SUMF1: variants seen among roughly 807,000 people sequenced by gnomAD.
The protein encoded by SUMF1 is formylglycine-generating enzyme.
SUMF1 carries 48 observed loss-of-function variants against 47.6 expected under a neutral mutation model. The ratio of observed to expected loss-of-function variants is 1.01; its 90% CI spans 0.80 to 1.28. The LOEUF (loss-of-function observed/expected upper bound fraction) is 1.28, where lower values mean the gene tolerates loss of function less well. Ranked by LOEUF, SUMF1 falls within the 50% of genes most tolerant of loss-of-function variation. The pLI is 0.00. For missense variants in SUMF1, 571 were observed against 485.4 expected (o/e 1.18, Z -1.66); for synonymous variants, 230 against 192.1 (o/e 1.20, Z -1.63).
chr3:4,313,626 T>C (rs1020854276), intron 8 of SUMF1: 4 of 1,614,004 alleles, frequency 2.5e-6, no homozygotes, highest in African/African-American at 2.7e-5. Context: ...AATCATGTAC[T>C]GCTTTCCTGC....
chr3:4,147,509 A>T (rs374457687), intron 8 of SUMF1, among the ~76,000 whole-genome samples: 18 of 152,122 alleles, frequency 1.2e-4, no homozygotes, highest in African/African-American at 4.1e-4. Context: ...AAAGTTTTTA[A>T]CTCTGCTAGC....
intron 8 of SUMF1, among the ~76,000 whole-genome samples, chr3:4,132,223 A>G (rs568821275): frequency 2.6e-5 from 4 of 152,172 alleles, no homozygotes; most frequent in African/African-American, 9.6e-5. Flanking sequence ...CGCCTCACCT[A>G]CCATCATGGT....
rs555942692 is a variant in SUMF1 at position 4,457,430 on chromosome 3, CA to C, written c.271-4382del. Among the ~76,000 whole-genome samples the C allele has an allele frequency of 3.5e-3, 532 of 151,914 alleles. 3 individuals are homozygous for C. The highest frequency in any genetic ancestry group is 0.012 in the African/African-American group (503 of 41,422). ...ATTTGTACAGCACAACAAAAGACCC[CA>C]AAGAGCGAAAGCAATTTTGAGCAAA... On this transcript the variant is annotated intron_variant, in intron 1 of 8. Transcript: ENST00000272902.
intron 8 of SUMF1, among the ~76,000 whole-genome samples, chr3:4,310,608 G>C (rs1316949982): frequency 6.6e-6 from 1 of 152,060 alleles, no homozygotes; most frequent in African/African-American, 2.4e-5. Context: ...AGTCCCTGAA[G>C]GATTATAGCT....
chr3:4,284,403 ACT>A (rs1206318228), intron 8 of SUMF1, among the ~76,000 whole-genome samples: 1 of 148,474 alleles, frequency 6.7e-6, no homozygotes, highest in Non-Finnish European at 1.5e-5. Context: ...ACAAAATGAG[ACT>A]CTGTCCCAAA....
intron 8 of SUMF1, among the ~76,000 whole-genome samples, chr3:4,283,350 T>C (rs1009901578): frequency 6.6e-6 from 1 of 152,324 alleles, no homozygotes; most frequent in East Asian, 1.9e-4. Context: ...CTAGAACTAT[T>C]TGGCAGTCTG....
intron 7 of SUMF1, among the ~76,000 whole-genome samples, chr3:4,376,643 C>A (rs1700339633): frequency 1.3e-5 from 2 of 152,222 alleles, no homozygotes; most frequent in South Asian, 2.1e-4. Context: ...AGGAAGCAAT[C>A]CTGTCTCTAA....
chr3:4,072,624 T>C (rs1306032298), intron 8 of SUMF1, among the ~76,000 whole-genome samples: 2 of 152,042 alleles, frequency 1.3e-5, no homozygotes, highest in African/African-American at 4.8e-5. Flanking sequence ...ATAACCAGCG[T>C]AGAGTAGAAC....
intron 8 of SUMF1, among the ~76,000 whole-genome samples, chr3:4,336,145 T>C (rs1294088441): frequency 6.6e-6 from 1 of 151,972 alleles, no homozygotes; most frequent in Non-Finnish European, 1.5e-5. Flanking sequence ...GTTGAGGATG[T>C]GCCCAGGAAG....
At position 4,128,366 on chromosome 3, in the gene SUMF1, G is replaced by A. The variant is rs370508313; in HGVS notation, c.1015-59621C>T. Among the ~76,000 whole-genome samples the A allele has an allele frequency of 1.3e-3, 205 of 152,272 alleles. 4 individuals carry two copies. The South Asian group carries it at 0.028, about 21-fold the overall frequency. ...ACCCTGATGAAGCAGGGGACACCGA[G>A]TTTGTAAACTCTGATAAACTTTTCT... On this transcript the variant is annotated intron_variant and NMD_transcript_variant, in intron 8 of 12. Coordinates refer to the SUMF1 transcript ENST00000448413.
chr3:4,358,180 A>C (rs1699664467), downstream of SUMF1, among the ~76,000 whole-genome samples: 1 of 152,038 alleles, frequency 6.6e-6, no homozygotes, highest in African/African-American at 2.4e-5. Flanking sequence ...TCACGTTTAC[A>C]GCTTTAAAAA....
intron 7 of SUMF1, among the ~76,000 whole-genome samples, chr3:4,407,443 C>T (rs922905517): frequency 3.9e-5 from 6 of 152,114 alleles, no homozygotes; most frequent in South Asian, 2.1e-4. Flanking sequence ...TTACTAACCA[C>T]GTGGATATTT....
intron 8 of SUMF1, among the ~76,000 whole-genome samples, chr3:4,160,729 G>T (rs543777470): frequency 6.6e-6 from 1 of 152,020 alleles, no homozygotes; most frequent in Non-Finnish European, 1.5e-5. Context: ...CCTTCTCTGT[G>T]TTATCTCTAA....
chr3:4,235,893 G>C (rs1349510638), intron 8 of SUMF1, among the ~76,000 whole-genome samples: 1 of 152,048 alleles, frequency 6.6e-6, no homozygotes, highest in Non-Finnish European at 1.5e-5. Context: ...TGGTTTCCAT[G>C]GCAGTGATGA....
At chr3:4,300,462 T>A in intron 8 of SUMF1, among the ~76,000 whole-genome samples, 1 of 152,234 alleles carries the variant, frequency 6.6e-6, no homozygotes, top group Non-Finnish European at 1.5e-5. Flanking sequence ...AGTTTTTATA[T>A]CAGATGTGTA....
At chr3:4,052,390 T>A (rs889542334) in intron 9 of SUMF1, among the ~76,000 whole-genome samples, 1 of 152,178 alleles carries the variant, frequency 6.6e-6, no homozygotes, top group Non-Finnish European at 1.5e-5. Context: ...AAAGTTTATA[T>A]GTATTTATCT....
chr3:4,253,493 G>A (rs529115299), intron 8 of SUMF1, among the ~76,000 whole-genome samples: 2 of 152,100 alleles, frequency 1.3e-5, no homozygotes, highest in Non-Finnish European at 2.9e-5. Flanking sequence ...GTAAAAGAAA[G>A]GGGTGACGGA....
Position 4,376,496 on chromosome 3 carries a change from A to T in SUMF1, c.955-107T>A, listed in dbSNP as rs1559257141. The stretch of plus-strand genomic sequence containing the variant: ...AACCAGCTCTCTCATGGTTGCCTAA[A>T]CTCTCCACATGCATTTCCACCCCTA... On this transcript the variant is annotated intron_variant, in intron 7 of 8. Coordinates refer to ENST00000272902, the MANE Select transcript of SUMF1 (RefSeq NM_182760.4). The T allele has an allele frequency of 1.6e-5, 18 of 1,149,058 alleles. 1 individual carries two copies. In the East Asian group the frequency reaches 4.2e-4, roughly 27 times the overall value. 71.2% of individuals were successfully genotyped at this position (1,149,058 alleles called of 1,614,324 possible).
At chr3:4,177,209 T>C (rs1424709930) in intron 8 of SUMF1, among the ~76,000 whole-genome samples, 1 of 152,130 alleles carries the variant, frequency 6.6e-6, no homozygotes, top group Admixed American at 6.5e-5. Flanking sequence ...TCTACAGAAC[T>C]CTAAAGACCA....
Sources: gnomAD v4.1 joint callset for allele counts (sites outside exome capture counted in the v4.1 genomes callset) on GRCh38, gnomAD v4.1.1 for gene constraint, MANE v1.5 for transcripts, NCBI Gene and HGNC (gene_info 2026-07-23, HGNC 2026-07-21) for gene names.